ARHGAP12: variants seen among roughly 807,000 people sequenced by gnomAD.
ARHGAP12 encodes Rho GTPase activating protein 12.
Under a neutral mutation model 108.6 loss-of-function variants are expected in ARHGAP12, and 64 were observed. The observed-to-expected ratio is 0.59, with a 90% confidence interval of 0.48 to 0.73. The LOEUF is 0.73. Ranked by LOEUF, ARHGAP12 falls within the 30% of genes least tolerant of loss-of-function variation. ARHGAP12 has a pLI of 0.00. For synonymous variants in ARHGAP12, 312 were observed against 337.2 expected (o/e 0.93, Z 0.82); for missense variants, 940 against 1,005.9 (o/e 0.93, Z 0.89).
intron 1 of ARHGAP12, among the ~76,000 whole-genome samples, chr10:31,922,690 T>C (rs535180036): frequency 6.6e-6 from 1 of 152,164 alleles, no homozygotes; most frequent in South Asian, 2.1e-4. Context: ...CAAAGAAAAC[T>C]GGCCCAGGCG....
rs78874938 is a variant in ARHGAP12 at position 31,860,081 on chromosome 10, T to C, written c.948+1314A>G. 9.0e-3 allele frequency among the ~76,000 whole-genome samples: 1,378 copies of C among 152,332 alleles called. 21 individuals carry two copies. The highest frequency in any genetic ancestry group is 0.031 in the African/African-American group (1,287 of 41,558). ...GCCACTGCGTCCAGCCAAATTTTCC[T>C]TTCTTGTTATAGTTAAACATGAACA... On this transcript the variant is annotated intron_variant, in intron 4 of 19. Transcript: ENST00000344936.
chr10:31,859,421 T>C (rs1837025672), intron 4 of ARHGAP12, among the ~76,000 whole-genome samples: 1 of 152,108 alleles, frequency 6.6e-6, no homozygotes, highest in African/African-American at 2.4e-5. Flanking sequence ...TAGAATTCTA[T>C]ACCCAGGAAT....
intron 4 of ARHGAP12, among the ~76,000 whole-genome samples, chr10:31,857,264 T>C (rs903346639): frequency 2.0e-5 from 3 of 152,194 alleles, no homozygotes; most frequent in Admixed American, 6.5e-5. Context: ...TTTTAAATTT[T>C]TGAAGGTTTA....
chr10:31,831,518 C>A (rs1835833480), intron 10 of ARHGAP12, among the ~76,000 whole-genome samples: 1 of 151,926 alleles, frequency 6.6e-6, no homozygotes, highest in Non-Finnish European at 1.5e-5. Context: ...TCCTCAGAAC[C>A]CTCTGCCTCA....
intron 6 of ARHGAP12, among the ~76,000 whole-genome samples, chr10:31,849,902 T>C (rs986084951): frequency 6.6e-6 from 1 of 152,216 alleles, no homozygotes; most frequent in African/African-American, 2.4e-5. Context: ...GGTTTCCTAA[T>C]GCAGCCTATA....
chr10:31,917,087 G>A (rs944815299), intron 1 of ARHGAP12, among the ~76,000 whole-genome samples: 2 of 151,888 alleles, frequency 1.3e-5, no homozygotes, highest in East Asian at 1.9e-4. Context: ...CAAATCCTCC[G>A]AGTATTTTTT....
chr10:31,812,356 C>A (rs1455367027), intron 15 of ARHGAP12, among the ~76,000 whole-genome samples: 1 of 151,984 alleles, frequency 6.6e-6, no homozygotes, highest in Non-Finnish European at 1.5e-5. Context: ...ATTTTTCTTT[C>A]TATTGTTAGT....
At chr10:31,876,472 T>G (rs1365036559) in intron 3 of ARHGAP12, among the ~76,000 whole-genome samples, 4 of 150,390 alleles carry the variant, frequency 2.7e-5, no homozygotes, top group African/African-American at 9.8e-5. Context: ...ACGGCACCAC[T>G]GCACTCCAGG....
Position 31,817,775 on chromosome 10 carries a change from G to C in ARHGAP12, c.1731+13C>G. ...GCTCTGAAGTAAAAATTTTACCTAA[G>C]TCAACGACATACCTGATTATTGATT... is the stretch of plus-strand genomic sequence containing the variant. On this transcript the variant is annotated intron_variant, in intron 13 of 19. Transcript: ENST00000344936. 6.6e-7 allele frequency: 1 copy of C among 1,521,844 alleles called. No individual in the cohort carries two copies. Among genetic ancestry groups the C allele is most frequent in the Non-Finnish European group, 8.8e-7 (1 of 1,131,312 alleles). 94.3% of individuals were successfully genotyped at this position (1,521,844 alleles called of 1,614,324 possible). A position where few individuals can be genotyped will look rare whatever the true frequency, so the allele number is the denominator to read the frequency against.
chr10:31,821,455 A>G (rs1835413993), intron 11 of ARHGAP12, among the ~76,000 whole-genome samples: 1 of 152,188 alleles, frequency 6.6e-6, no homozygotes. Context: ...CCTAAAGTCT[A>G]CTGAATTGTA....
intron 6 of ARHGAP12, among the ~76,000 whole-genome samples, chr10:31,844,902 T>C (rs559267072): frequency 6.6e-6 from 1 of 152,240 alleles, no homozygotes; most frequent in South Asian, 2.1e-4. Context: ...ATATAAATTT[T>C]AGGTTCCATT....
intron 7 of ARHGAP12, among the ~76,000 whole-genome samples, chr10:31,843,216 T>C (rs910502380): frequency 6.6e-6 from 1 of 152,110 alleles, no homozygotes; most frequent in East Asian, 1.9e-4. Flanking sequence ...AACCAAAACC[T>C]ACTTCATGAC....
At chr10:31,898,169 C>T (rs1049587132) in intron 3 of ARHGAP12, among the ~76,000 whole-genome samples, 1 of 152,086 alleles carries the variant, frequency 6.6e-6, no homozygotes, top group Non-Finnish European at 1.5e-5. Context: ...GCAAATCATA[C>T]ATTTGGTAAG....
At chr10:31,915,055 T>C (rs1477430848) in intron 1 of ARHGAP12, among the ~76,000 whole-genome samples, 3 of 152,186 alleles carry the variant, frequency 2.0e-5, no homozygotes, top group Non-Finnish European at 4.4e-5. Flanking sequence ...AAACACCACA[T>C]GGTCTCACTC....
intron 3 of ARHGAP12, among the ~76,000 whole-genome samples, chr10:31,866,646 G>A (rs1055987538): frequency 1.3e-5 from 2 of 151,728 alleles, no homozygotes; most frequent in Non-Finnish European, 2.9e-5. Flanking sequence ...CAAGAGTTTC[G>A]CTCTTGTTGC....
chr10:31,921,399 G>GA (rs1443010541), intron 1 of ARHGAP12, among the ~76,000 whole-genome samples: 3 of 152,270 alleles, frequency 2.0e-5, no homozygotes, highest in South Asian at 2.1e-4. Context: ...CTAAATGCCA[G>GA]AAAAAACACA....
At chr10:31,916,188 A>AGTACCCAACTC (rs1164620483) in intron 1 of ARHGAP12, among the ~76,000 whole-genome samples, 4 of 152,116 alleles carry the variant, frequency 2.6e-5, no homozygotes, top group Admixed American at 6.6e-5. Flanking sequence ...ACAACTACTA[A>AGTACCCAACTC]GTACCCAACT....
intron 3 of ARHGAP12, among the ~76,000 whole-genome samples, chr10:31,885,874 T>G (rs140636202): frequency 6.6e-6 from 1 of 152,226 alleles, no homozygotes; most frequent in Non-Finnish European, 1.5e-5. Flanking sequence ...ACACAGTTAT[T>G]CAACCATAGC....
chr10:31,876,511 AAAAAAC>A (rs1185321639), intron 3 of ARHGAP12, among the ~76,000 whole-genome samples: 154 of 150,990 alleles, frequency 1.0e-3, no homozygotes, highest in Non-Finnish European at 7.4e-4. Flanking sequence ...TCCATCTCAA[AAAAAAC>A]AAAAACAAAA....
Sources: gnomAD v4.1 joint callset for allele counts (sites outside exome capture counted in the v4.1 genomes callset) on GRCh38, gnomAD v4.1.1 for gene constraint, MANE v1.5 for transcripts, NCBI Gene and HGNC (gene_info 2026-07-23, HGNC 2026-07-21) for gene names.